The following RNF213 variants were observed in gnomAD, a reference collection of about 807,000 sequenced individuals.
RNF213 encodes the protein E3 ubiquitin-protein ligase RNF213.
In RNF213, 341 loss-of-function variants were observed where a neutral mutation model predicts 514.4. That is an observed-to-expected ratio of 0.66 (90% CI 0.61 to 0.73). The LOEUF (loss-of-function observed/expected upper bound fraction) is 0.73. Ranked by LOEUF, RNF213 falls within the 30% of genes least tolerant of loss-of-function variation. RNF213 has a pLI of 0.00. For synonymous variants in RNF213, 2,655 were observed against 2,658.2 expected (o/e 1.00, Z 0.04); for missense variants, 5,767 against 6,615.6 (o/e 0.87, Z 4.45).
At chr17:80,368,506 C>T (rs2079373843) in intron 44 of RNF213, among the ~76,000 whole-genome samples, 1 of 150,288 alleles carries the variant, frequency 6.7e-6, no homozygotes, top group Admixed American at 6.6e-5. Context: ...GATCTCAGCT[C>T]ACTGCAACCT....
chr17:80,349,054 T>C (rs552845654), intron 29 of RNF213, among the ~76,000 whole-genome samples: 41 of 152,142 alleles, frequency 2.7e-4, no homozygotes, highest in African/African-American at 9.6e-4. Context: ...AACCGAGAGA[T>C]ACTCAGGAGG....
intron 14 of RNF213, among the ~76,000 whole-genome samples, chr17:80,312,532 G>A (rs543606482): frequency 7.4e-6 from 1 of 135,516 alleles, no homozygotes; most frequent in African/African-American, 2.8e-5. Context: ...CGGGTCAGGA[G>A]CCTGGCTGTG....
rs116036366 is a variant in RNF213, at chr17:80,304,171, G to A, written c.2211-2081G>A. ...AGGTAAAAGTGGCCTTTAGTATGCA[G>A]TGAACCTTTATTGATATGTTTTTCA... On this transcript the variant is annotated intron_variant, in intron 11 of 67. Coordinates refer to ENST00000582970, the MANE Select transcript of RNF213 (RefSeq NM_001256071.3). 6.3e-3 allele frequency among the ~76,000 whole-genome samples: 966 copies of A among 152,184 alleles called. 13 individuals are homozygous for A. Among genetic ancestry groups the A allele is most frequent in the African/African-American group, 0.023 (935 of 41,522 alleles).
At chr17:80,283,355 G>A (rs950417480) in intron 3 of RNF213, among the ~76,000 whole-genome samples, 2 of 152,320 alleles carry the variant, frequency 1.3e-5, no homozygotes, top group South Asian at 2.1e-4. Context: ...GATGTCAGAT[G>A]GTTGGTTTTG....
intron 3 of RNF213, among the ~76,000 whole-genome samples, chr17:80,280,276 G>A (rs2044212494): frequency 6.6e-6 from 1 of 152,192 alleles, no homozygotes; most frequent in African/African-American, 2.4e-5. Flanking sequence ...GGCCATGCGA[G>A]GAGAAGAAGG....
intron 17 of RNF213, chr17:80,319,628 C>G: frequency 1.3e-6 from 2 of 1,521,804 alleles, no homozygotes; most frequent in Non-Finnish European, 1.8e-6. Context: ...ATCACTGTGG[C>G]TGCTGGTTTG....
At chr17:80,352,787 C>T (rs897287040) in intron 32 of RNF213, 153 bp from the exon 33 acceptor site, 38 of 1,159,816 alleles carry the variant, frequency 3.3e-5, no homozygotes, top group Admixed American at 1.5e-4. Flanking sequence ...GTGGTTTCTG[C>T]GCAGGCCCAT....
intron 2 of RNF213, among the ~76,000 whole-genome samples, chr17:80,269,984 A>G (rs989006623): frequency 6.6e-6 from 1 of 152,242 alleles, no homozygotes; most frequent in African/African-American, 2.4e-5. Context: ...AATGACCCAC[A>G]TGTTACAGGA....
chr17:80,306,917 AT>A (rs555677714), intron 12 of RNF213, among the ~76,000 whole-genome samples: 27 of 151,888 alleles, frequency 1.8e-4, no homozygotes, highest in Middle Eastern at 3.4e-3. Flanking sequence ...TTCCTTTCAC[AT>A]TTTTTGGTGG....
rs780691361 is a variant in RNF213 at position 80,358,342 on chromosome 17, G to C, written c.10917G>C (p.Met3639Ile). The C allele has an allele frequency of 1.9e-6, 3 of 1,614,172 alleles. No individual in the cohort carries two copies. The South Asian group carries it at 3.3e-5, about 18-fold the overall frequency. The change falls in exon 37 of 68, where the codon ATG becomes ATC. Residue 3639 changes from methionine (M) to isoleucine (I), a missense_variant. This residue lies in a region of RNF213 where 919 missense variants were observed against 1,121.0 expected (regional missense o/e 0.82). Coordinates refer to ENST00000582970, the MANE Select transcript of RNF213 (RefSeq NM_001256071.3). ...QGAVTPLLAS[M>I]ISFIDRDGNL... ...CTGTCACCCCTCTGCTGGCGAGCAT[G>C]ATATCATTCATCGACAGAGACGGCA...
At chr17:80,380,253 CAGAG>C (rs2079934060) in intron 55 of RNF213, among the ~76,000 whole-genome samples, 2 of 152,206 alleles carry the variant, frequency 1.3e-5, no homozygotes, top group South Asian at 2.1e-4. Context: ...ATGCTCCTTT[CAGAG>C]AGTGAGTGGG....
rs1331161801 is a variant in RNF213 at position 80,336,228 on chromosome 17, G to T, written c.4377G>T (p.Val1459=). 4 of 1,537,140 alleles carry T rather than the reference G, an allele frequency of 2.6e-6. No homozygotes were observed. In the African/African-American group the frequency reaches 5.5e-5, roughly 21 times the overall value. Residue 1459 remains valine, a synonymous_variant, in exon 23 of 68, where the codon GTG becomes GTT. Coordinates refer to ENST00000582970, the MANE Select transcript of RNF213 (RefSeq NM_001256071.3). ...CAGCGGGGGAGAATGACATTGATGT[G>T]GACCGGGTGGCCTGCTTCCATGACG... ...SISAGENDID[V]DRVACFHDAV...
rs2080661464 is a variant in RNF213, at chr17:80,396,358, T to A, written c.*2860T>A. 6.6e-6 allele frequency: 1 copy of A among 152,234 alleles called. No individual in the cohort carries two copies. The highest frequency in any genetic ancestry group is 1.5e-5 in the Non-Finnish European group (1 of 68,050). 9.4% of individuals were successfully genotyped at this position (152,234 alleles called of 1,614,324 possible). ...GTGCATGTGTTAACCGAGACGGCCC[T>A]GAGCTATTTCAGTTACTCCTGTATG... On this transcript the variant is annotated 3_prime_UTR_variant, in exon 68 of 68. Coordinates refer to ENST00000582970, the MANE Select transcript of RNF213 (RefSeq NM_001256071.3).
intron 3 of RNF213, among the ~76,000 whole-genome samples, chr17:80,282,989 C>T (rs1407248556): frequency 2.0e-5 from 3 of 152,174 alleles, no homozygotes; most frequent in East Asian, 1.9e-4. Context: ...TGAGCCACCA[C>T]GCCTGGCCTG....
intron 37 of RNF213, among the ~76,000 whole-genome samples, chr17:80,358,963 CCCT>C (rs1156604836): frequency 5.3e-5 from 8 of 152,170 alleles, no homozygotes; most frequent in East Asian, 1.9e-4. Flanking sequence ...TTTATCTCCA[CCCT>C]CCTCATTTCC....
chr17:80,343,732 G>A lies in RNF213; in HGVS notation c.6184-125G>A. ...CCCTTGGAGACATGGGCCGTTGTTG[G>A]CTGAAATGTTGATGTTGATCATCAG... On this transcript the variant is annotated intron_variant, in intron 27 of 67. Coordinates refer to ENST00000582970, the MANE Select transcript of RNF213 (RefSeq NM_001256071.3). The surrounding 1 kb of genome is among the most constrained non-coding windows in gnomAD (Gnocchi z 4.3). 1.0e-6 allele frequency: 1 copy of A among 1,002,458 alleles called. No homozygotes were observed. 62.1% of individuals were successfully genotyped at this position (1,002,458 alleles called of 1,614,324 possible). A position where few individuals can be genotyped will look rare whatever the true frequency, so the allele number is the denominator to read the frequency against.
Position 80,288,936 on chromosome 17 carries a change from G to A in RNF213, c.933+181G>A, listed in dbSNP as rs953102585. Among the ~76,000 whole-genome samples the A allele has an allele frequency of 3.3e-5, 5 of 152,240 alleles. No individual in the cohort carries two copies. Among genetic ancestry groups the A allele is most frequent in the East Asian group, 1.9e-4 (1 of 5,188 alleles). On this transcript the variant is annotated intron_variant, in intron 5 of 67. Coordinates refer to ENST00000582970, the MANE Select transcript of RNF213 (RefSeq NM_001256071.3). The surrounding 1 kb of genome is among the most constrained non-coding windows in gnomAD (Gnocchi z 4.9). The stretch of plus-strand genomic sequence containing the variant: ...AGAGAGTCAGGAAACCGACTTCAGC[G>A]GTGAGAAGAGCGTGGAGGGAGGGAG...
chr17:80,317,055 TG>T lies in RNF213; in HGVS notation c.2812-129del. Reference sequence around the variant, plus strand: ...AGCATGGCTGACTGTTGATGAAGGTTGGGGAGAGCCCTGGTGTTCGCGGAGT... The same window carrying T: ...AGCATGGCTGACTGTTGATGAAGGTTGGGAGAGCCCTGGTGTTCGCGGAGT... On this transcript the variant is annotated intron_variant, in intron 15 of 67. Transcript: ENST00000582970. This position sits in a 1 kb window ranked among gnomAD's most constrained non-coding sequence, Gnocchi z 4.1. The T allele has an allele frequency of 2.0e-6, 2 of 981,474 alleles. No individual in the cohort carries two copies. Among genetic ancestry groups the T allele is most frequent in the South Asian group, 2.8e-5 (2 of 72,124 alleles). 60.8% of individuals were successfully genotyped at this position (981,474 alleles called of 1,614,324 possible).
Position 80,374,486 on chromosome 17 carries a change from T to C in RNF213, c.12971T>C (p.Met4324Thr). The change falls in exon 50 of 68, where the codon ATG becomes ACG. Residue 4324 changes from methionine to threonine, a missense_variant. Coordinates refer to ENST00000582970, the MANE Select transcript of RNF213 (RefSeq NM_001256071.3). ...CTGCGGCAGGACCACCCAGGCCAGA[T>C]GGATAGGTACCTGGTGTACGGCGAT... ...QGLRQDHPGQ[M>T]DRYLVYGDEY... 7 of 1,614,146 alleles carry C rather than the reference T, an allele frequency of 4.3e-6. No homozygotes were observed. The highest frequency in any genetic ancestry group is 2.2e-5 in the East Asian group (1 of 44,884).
Sources: allele counts gnomAD v4.1 joint callset (sites outside exome capture counted in the v4.1 genomes callset), GRCh38; gene constraint gnomAD v4.1.1; regional missense constraint gnomAD v4.1.1; non-coding constraint Gnocchi (gnomAD v3.1); transcripts MANE v1.5; gene names NCBI Gene and HGNC (gene_info 2026-07-23, HGNC 2026-07-21).